The following HERC1 variants were observed in gnomAD, a reference collection of about 807,000 sequenced individuals.
HERC1 encodes HECT and RLD domain containing E3 ubiquitin protein ligase family member 1.
Under a neutral mutation model 554.3 loss-of-function variants are expected in HERC1, and 160 were observed. The observed-to-expected ratio is 0.29, with a 90% confidence interval of 0.25 to 0.33. HERC1 has a LOEUF of 0.33. HERC1 is among the 10% of genes least tolerant of loss of function. The probability of loss-of-function intolerance (pLI) is 1.00; values close to 1 mark genes in which losing one functional copy is unlikely to be tolerated. For synonymous variants in HERC1, 2,175 were observed against 2,131.7 expected (o/e 1.02, Z -0.56); for missense variants, 4,919 against 5,918.5 (o/e 0.83, Z 5.54).
Position 63,663,131 on chromosome 15 carries a change from T to A in HERC1, c.8754A>T (p.Pro2918=). 6.2e-7 allele frequency: 1 copy of A among 1,613,998 alleles called. No homozygotes were observed. The highest frequency in any genetic ancestry group is 1.1e-5 in the South Asian group (1 of 91,088). ...RREGISLQQD[P]GALYDFNLDE... The stretch of plus-strand genomic sequence containing the variant: ...CTAAATTAAAGTCATACAACGCCCC[T>A]GGGTCTTGCTGCAAAGATATTCCTT... Residue 2918 remains proline, a synonymous_variant, in exon 44 of 78, where the codon CCA becomes CCT. Transcript: ENST00000443617.
Position 63,694,035 on chromosome 15 carries a change from T to C in HERC1, c.5603A>G (p.Glu1868Gly). Residue 1868 changes from glutamate to glycine, a missense_variant, in exon 30 of 78, where the codon GAG (glutamate) becomes GGG (glycine). Coordinates refer to ENST00000443617, the MANE Select transcript of HERC1 (RefSeq NM_003922.4). This position sits in a 1 kb window ranked among gnomAD's most constrained non-coding sequence, Gnocchi z 4.3. ...VLHMASFGEGEQEDGEEEEKK... is the reference protein window; with the variant it reads ...VLHMASFGEGGQEDGEEEEKK... Reference sequence around the variant, plus strand: ...TTCTTCTTCTTCACCGTCTTCTTGCTCCCCTTCTCCGAAAGAGGCCATATG... The same window carrying C: ...TTCTTCTTCTTCACCGTCTTCTTGCCCCCCTTCTCCGAAAGAGGCCATATG... 6.3e-7 allele frequency: 1 copy of C among 1,596,504 alleles called. No homozygotes were observed. Among genetic ancestry groups the C allele is most frequent in the Non-Finnish European group, 8.5e-7 (1 of 1,170,578 alleles).
intron 63 of HERC1, 51 bp from the exon 64 acceptor site, chr15:63,637,694 A>C: frequency 7.0e-7 from 1 of 1,420,020 alleles, no homozygotes; most frequent in Non-Finnish European, 9.6e-7. Context: ...ATATTGCTTT[A>C]ACATGCAAGC....
intron 1 of HERC1, 33 bp downstream of exon 1, chr15:63,833,794 A>ACACACACACACAC (rs1567176642): frequency 6.5e-5 from 9 of 137,548 alleles, no homozygotes; most frequent in African/African-American, 2.8e-4. Context: ...CACACACAGG[A>ACACACACACACAC]CCAGGAGGAC....
chr15:63,784,368 T>A (rs955288735), intron 1 of HERC1, among the ~76,000 whole-genome samples: 1 of 151,664 alleles, frequency 6.6e-6, no homozygotes, highest in Non-Finnish European at 1.5e-5. Flanking sequence ...CAAGATACAC[T>A]GTTAAAAAAG....
intron 1 of HERC1, among the ~76,000 whole-genome samples, chr15:63,789,214 C>T (rs1032937630): frequency 6.9e-6 from 1 of 145,566 alleles, no homozygotes; most frequent in Non-Finnish European, 1.5e-5. Flanking sequence ...CCTCAGCCTC[C>T]CAAGTAGCTG....
At chr15:63,831,681 A>C (rs2078161154) in intron 1 of HERC1, among the ~76,000 whole-genome samples, 1 of 152,076 alleles carries the variant, frequency 6.6e-6, no homozygotes, top group Admixed American at 6.5e-5. Flanking sequence ...AGTATTCAGT[A>C]TGACTTTTTT....
chr15:63,796,285 C>T (rs1314980752), intron 1 of HERC1, among the ~76,000 whole-genome samples: 2 of 152,342 alleles, frequency 1.3e-5, no homozygotes, highest in East Asian at 3.9e-4. Flanking sequence ...GTTACATCTT[C>T]TGCAACTTTT....
chr15:63,773,799 T>C (rs1313385186), intron 2 of HERC1, among the ~76,000 whole-genome samples: 5 of 152,080 alleles, frequency 3.3e-5, no homozygotes, highest in Admixed American at 3.3e-4. Context: ...CCTCCTGAGC[T>C]TCCCAAAAGT....
At chr15:63,831,346 A>G (rs756564324) in intron 1 of HERC1, among the ~76,000 whole-genome samples, 12 of 152,306 alleles carry the variant, frequency 7.9e-5, no homozygotes, top group Non-Finnish European at 1.5e-4. Flanking sequence ...GGCTCAAGCC[A>G]TCCTCCCACC....
At chr15:63,742,697 G>C (rs556558725) in intron 12 of HERC1, among the ~76,000 whole-genome samples, 47 of 152,178 alleles carry the variant, frequency 3.1e-4, no homozygotes, top group South Asian at 1.2e-3. Context: ...AATTTTGTCA[G>C]ATGCTTTTTC....
At chr15:63,755,144 T>C in intron 6 of HERC1, 85 bp downstream of exon 6, 2 of 863,058 alleles carry the variant, frequency 2.3e-6, no homozygotes, top group Non-Finnish European at 3.8e-6. Flanking sequence ...GTCTTTGGCC[T>C]AGTAAATCTG....
chr15:63,771,006 T>A (rs1023722170), intron 2 of HERC1, among the ~76,000 whole-genome samples: 7 of 152,024 alleles, frequency 4.6e-5, no homozygotes, highest in African/African-American at 1.7e-4. Flanking sequence ...CTGGCCAACA[T>A]GGTGAAACCC....
chr15:63,649,283 T>G (rs1270761827), intron 54 of HERC1, among the ~76,000 whole-genome samples: 5 of 151,990 alleles, frequency 3.3e-5, no homozygotes, highest in Non-Finnish European at 5.9e-5. Context: ...AACCAGGGAG[T>G]CAGAGGTTGC....
intron 30 of HERC1, among the ~76,000 whole-genome samples, chr15:63,693,215 C>G (rs1200417638): frequency 1.3e-5 from 2 of 148,946 alleles, no homozygotes; most frequent in African/African-American, 5.0e-5. Flanking sequence ...AAACAGATAT[C>G]AAAACCCTTG....
intron 10 of HERC1, among the ~76,000 whole-genome samples, chr15:63,748,916 T>C (rs2075148603): frequency 6.6e-6 from 1 of 151,308 alleles, no homozygotes; most frequent in Admixed American, 6.6e-5. Flanking sequence ...GCTAAGTTTC[T>C]GCAAAAATTA....
At chr15:63,825,520 C>T (rs555690788) in intron 1 of HERC1, among the ~76,000 whole-genome samples, 38 of 151,876 alleles carry the variant, frequency 2.5e-4, no homozygotes, top group Non-Finnish European at 4.6e-4. Context: ...AGTAAGTAAG[C>T]CTGAAATAAA....
intron 55 of HERC1, among the ~76,000 whole-genome samples, chr15:63,646,512 A>C (rs985730209): frequency 1.6e-4 from 25 of 151,698 alleles, no homozygotes; most frequent in African/African-American, 6.0e-4. Context: ...AAAAAAAAAA[A>C]CCAAGAAGGC....
Position 63,674,739 on chromosome 15 carries a change from T to G in HERC1, c.7449A>C (p.Glu2483Asp). ...TGTGTTCATGATTTTTTCTTTTCCCTTCTGTTATTTGATGTTGGGATTCCA... is the reference window on the plus strand; with the variant it reads ...TGTGTTCATGATTTTTTCTTTTCCCGTCTGTTATTTGATGTTGGGATTCCA... ...PSVESQHQIT[E>D]GKRKNHEHMS... The change falls in exon 38 of 78, where the codon GAA (glutamate) becomes GAC (aspartate). Residue 2483 changes from glutamate to aspartate, a missense_variant. Around this residue, in one of 11 missense-constraint regions of HERC1, gnomAD observed 1,963 missense variants for 2,228.6 expected, o/e 0.88. Transcript: ENST00000443617. The G allele has an allele frequency of 6.2e-7, 1 of 1,613,822 alleles. No individual in the cohort carries two copies. The highest frequency in any genetic ancestry group is 8.5e-7 in the Non-Finnish European group (1 of 1,179,836).
chr15:63,688,578 G>A (rs2071918288), intron 33 of HERC1, among the ~76,000 whole-genome samples: 1 of 152,150 alleles, frequency 6.6e-6, no homozygotes, highest in Admixed American at 6.5e-5. Flanking sequence ...GTCTGAATAA[G>A]GTTTCTTTGA....
Sources: allele counts gnomAD v4.1 joint callset (sites outside exome capture counted in the v4.1 genomes callset), GRCh38; gene constraint gnomAD v4.1.1; regional missense constraint gnomAD v4.1.1; non-coding constraint Gnocchi (gnomAD v3.1); transcripts MANE v1.5; gene names NCBI Gene and HGNC (gene_info 2026-07-23, HGNC 2026-07-21).